GALNT18: variants seen among roughly 807,000 people sequenced by gnomAD.
GALNT18 encodes the protein polypeptide N-acetylgalactosaminyltransferase 18, also known as GalNAc-transferase 18.
In GALNT18, 44 loss-of-function variants were observed where a neutral mutation model predicts 69.5. The ratio of observed to expected loss-of-function variants is 0.63; its 90% CI spans 0.50 to 0.81. The LOEUF is 0.81. GALNT18 is among the 40% of genes least tolerant of loss of function. The probability of loss-of-function intolerance (pLI) is 0.00; values close to 1 mark genes in which losing one functional copy is unlikely to be tolerated. For synonymous variants in GALNT18, 364 were observed against 318.2 expected (o/e 1.14, Z -1.53); for missense variants, 715 against 810.0 (o/e 0.88, Z 1.42).
chr11:11,516,386 C>G (rs1026253965), intron 1 of GALNT18, among the ~76,000 whole-genome samples: 2 of 152,176 alleles, frequency 1.3e-5, no homozygotes, highest in African/African-American at 4.8e-5. Context: ...AATCCCAGCA[C>G]TTCAGGAGGC....
intron 6 of GALNT18, among the ~76,000 whole-genome samples, chr11:11,354,422 GTCT>G (rs1379890532): frequency 5.3e-5 from 8 of 152,212 alleles, no homozygotes; most frequent in African/African-American, 1.9e-4. Flanking sequence ...GGGCCAAACA[GTCT>G]TGGTGTCAAG....
At chr11:11,292,558 C>T (rs1239144093) in intron 10 of GALNT18, among the ~76,000 whole-genome samples, 1 of 152,134 alleles carries the variant, frequency 6.6e-6, no homozygotes, top group East Asian at 1.9e-4. Context: ...GAGGGGGTTG[C>T]AGATCAGAGA....
In GALNT18 at chr11:11,345,317, G is replaced by A. The variant is rs575924616; in HGVS notation, c.1093-4313C>T. 2.6e-5 allele frequency among the ~76,000 whole-genome samples: 4 copies of A among 152,350 alleles called. 1 individual carries two copies. In the South Asian group the frequency reaches 8.3e-4, roughly 32 times the overall value. On this transcript the variant is annotated intron_variant, in intron 6 of 10. Transcript: ENST00000227756. ...CTTCTGGACCCTGCCCAGTGGCACT[G>A]AAGCAAACAAGAGAAAGCCTGTGCT...
At position 11,294,621 on chromosome 11, in the gene GALNT18, A is replaced by AC. The variant is rs1316916026; in HGVS notation, c.1513-1429_1513-1428insG. Reference sequence around the variant, plus strand: ...CAAACACATCCCAGAAAAAAAAAAAAAAAACATAAACAAATGGCTGTGTTT... The same window carrying AC: ...CAAACACATCCCAGAAAAAAAAAAAACAAAACATAAACAAATGGCTGTGTTT... On this transcript the variant is annotated intron_variant, in intron 9 of 10. Coordinates refer to ENST00000227756, the MANE Select transcript of GALNT18 (RefSeq NM_198516.3). 1.5e-3 allele frequency among the ~76,000 whole-genome samples: 223 copies of AC among 152,190 alleles called. 1 individual carries two copies. The highest frequency in any genetic ancestry group is 5.0e-3 in the African/African-American group (209 of 41,540).
chr11:11,445,399 A>G (rs1855626469), intron 2 of GALNT18, among the ~76,000 whole-genome samples: 1 of 152,268 alleles, frequency 6.6e-6, no homozygotes, highest in Admixed American at 6.5e-5. Context: ...CTTATCCTAT[A>G]TAAATGTTTG....
At chr11:11,553,985 T>C (rs1271580854) in intron 1 of GALNT18, among the ~76,000 whole-genome samples, 4 of 152,348 alleles carry the variant, frequency 2.6e-5, no homozygotes, top group Non-Finnish European at 5.9e-5. Context: ...CATTGATTAC[T>C]GCTCCCCTTC....
intron 10 of GALNT18, among the ~76,000 whole-genome samples, chr11:11,276,989 C>T (rs1848963959): frequency 6.6e-6 from 1 of 152,146 alleles, no homozygotes; most frequent in Non-Finnish European, 1.5e-5. Flanking sequence ...TGTTGTGTCT[C>T]TGCCAGGTTT....
intron 6 of GALNT18, among the ~76,000 whole-genome samples, chr11:11,362,647 C>T (rs190904177): frequency 1.3e-5 from 2 of 152,170 alleles, no homozygotes; most frequent in Non-Finnish European, 2.9e-5. Flanking sequence ...CCTTTCTCAT[C>T]GGTCAGATTG....
rs549116581 is a variant in GALNT18, at chr11:11,302,699, A to G, written c.1513-9506T>C. ...CTTGGCTCAGGGAAAGGATATGCGC[A>G]GGATGCGTGCTGCTGGCAGAACAAA... is the stretch of plus-strand genomic sequence containing the variant. On this transcript the variant is annotated intron_variant, in intron 9 of 10. Transcript: ENST00000227756. Among the ~76,000 whole-genome samples, 5 of 152,380 alleles carry G rather than the reference A, an allele frequency of 3.3e-5. No individual in the cohort carries two copies. The East Asian group carries it at 9.6e-4, about 29-fold the overall frequency.
chr11:11,295,902 A>G (rs1468302519), intron 9 of GALNT18, among the ~76,000 whole-genome samples: 1 of 152,198 alleles, frequency 6.6e-6, no homozygotes, highest in Admixed American at 6.5e-5. Flanking sequence ...GCCTCTTCAA[A>G]GCTATCCTGG....
chr11:11,286,669 T>C (rs1849201670), intron 10 of GALNT18, among the ~76,000 whole-genome samples: 1 of 152,146 alleles, frequency 6.6e-6, no homozygotes, highest in Non-Finnish European at 1.5e-5. Context: ...GCATGCTGGG[T>C]GCTGCCTCTG....
At position 11,326,951 on chromosome 11, in the gene GALNT18, C is replaced by G; in HGVS notation, c.1512+135G>C. The G allele has an allele frequency of 9.3e-6, 6 of 644,662 alleles. No individual in the cohort carries two copies. The South Asian group carries it at 1.2e-4, about 12-fold the overall frequency. The allele number at this position is 644,662 out of a possible 1,614,324, so 39.9% of individuals were successfully genotyped here. A position where few individuals can be genotyped will look rare whatever the true frequency, so the allele number is the denominator to read the frequency against. On this transcript the variant is annotated intron_variant, in intron 9 of 10. Transcript: ENST00000227756. ...CATGAGGATGTGCCCTAATGAAAAG[C>G]CCCAGAGGCCCCTGGTCCCAGAGCT...
rs1378218507 is a variant in GALNT18 at position 11,377,389 on chromosome 11, G to A, written c.780-10C>T. 6.2e-7 allele frequency: 1 copy of A among 1,613,330 alleles called. No individual in the cohort carries two copies. Among genetic ancestry groups the A allele is most frequent in the South Asian group, 1.1e-5 (1 of 91,032 alleles). ...GAGTACAGGTTCAGCCCTGGGCAGA[G>A]AGGAGACAGCCAGAGAGGGTAACCA... On this transcript the variant is annotated splice_polypyrimidine_tract_variant and intron_variant, in intron 4 of 10. Coordinates refer to ENST00000227756, the MANE Select transcript of GALNT18 (RefSeq NM_198516.3). The surrounding 1 kb of genome is among the most constrained non-coding windows in gnomAD (Gnocchi z 4.6).
intron 9 of GALNT18, among the ~76,000 whole-genome samples, chr11:11,310,264 C>A (rs1182258709): frequency 6.6e-6 from 1 of 152,194 alleles, no homozygotes; most frequent in African/African-American, 2.4e-5. Context: ...ACCCAAGAAG[C>A]CCCCAGAGGG....
At chr11:11,567,767 A>G (rs1401253851) in intron 1 of GALNT18, among the ~76,000 whole-genome samples, 2 of 152,364 alleles carry the variant, frequency 1.3e-5, no homozygotes, top group Non-Finnish European at 2.9e-5. Context: ...AATGTCTCCA[A>G]GACTTAGGAT....
In GALNT18 at chr11:11,496,652, A is replaced by G. The variant is rs917684098; in HGVS notation, c.236-47716T>C. ...GGGAAGAAGGAAAGACTGCACCAGG[A>G]AGGAAGGGCAGGACCTGCAGGGCAA... On this transcript the variant is annotated intron_variant, in intron 1 of 10. Coordinates refer to ENST00000227756, the MANE Select transcript of GALNT18 (RefSeq NM_198516.3). The surrounding 1 kb of genome is among the most constrained non-coding windows in gnomAD (Gnocchi z 4.0). Among the ~76,000 whole-genome samples the G allele has an allele frequency of 2.6e-5, 4 of 152,188 alleles. No individual in the cohort carries two copies. Among genetic ancestry groups the G allele is most frequent in the Admixed American group, 2.6e-4 (4 of 15,288 alleles).
intron 1 of GALNT18, among the ~76,000 whole-genome samples, chr11:11,571,543 A>G (rs1019866641): frequency 6.6e-6 from 1 of 152,180 alleles, no homozygotes; most frequent in Non-Finnish European, 1.5e-5. Context: ...TTCTGGTGGG[A>G]CATGCCTCTT....
At chr11:11,574,276 AT>A (rs1244942349) in intron 1 of GALNT18, among the ~76,000 whole-genome samples, 3 of 152,186 alleles carry the variant, frequency 2.0e-5, no homozygotes, top group African/African-American at 7.2e-5. Flanking sequence ...GAGAAAGTAG[AT>A]GGCTTCTGAA....
intron 10 of GALNT18, among the ~76,000 whole-genome samples, chr11:11,278,662 T>A (rs1848999785): frequency 1.3e-5 from 2 of 151,642 alleles, no homozygotes; most frequent in African/African-American, 4.9e-5. Flanking sequence ...AAAAAAAAAT[T>A]GAATTCCTGG....
Sources: allele counts gnomAD v4.1 joint callset (sites outside exome capture counted in the v4.1 genomes callset), GRCh38; gene constraint gnomAD v4.1.1; non-coding constraint Gnocchi (gnomAD v3.1); transcripts MANE v1.5; gene names NCBI Gene and HGNC (gene_info 2026-07-23, HGNC 2026-07-21).